ANKRD12: variants seen among roughly 807,000 people sequenced by gnomAD.
ANKRD12 encodes ankyrin repeat domain-containing protein 12.
In ANKRD12, 85 loss-of-function variants were observed where a neutral mutation model predicts 183.4. The observed-to-expected ratio is 0.46, with a 90% CI of 0.39 to 0.56. The LOEUF (loss-of-function observed/expected upper bound fraction) is 0.56. ANKRD12 is among the 20% of genes least tolerant of loss of function. The probability of loss-of-function intolerance (pLI) is 0.00; values close to 1 mark genes in which losing one functional copy is unlikely to be tolerated. For missense variants in ANKRD12, 2,405 were observed against 2,357.1 expected (o/e 1.02, Z -0.42); for synonymous variants, 914 against 800.2 (o/e 1.14, Z -2.40).
chr18:9,169,502 C>A (rs890898276), intron 1 of ANKRD12, among the ~76,000 whole-genome samples: 22 of 152,028 alleles, frequency 1.4e-4, no homozygotes, highest in Middle Eastern at 3.2e-3. Context: ...TTGTTGGTTT[C>A]AAGTCTGTTT....
rs4798791 is a variant in ANKRD12 at position 9,255,984 on chromosome 18, A to G, written c.2717A>G (p.Lys906Arg). The stretch of plus-strand genomic sequence containing the variant: ...GACGACAGAGAGAAAAGTAGAGAAA[A>G]GATGGATAGGAAACATGACAAAGAA... The part of the protein sequence containing the change: ...KTDDREKSRE[K>R]MDRKHDKEKP... Residue 906 changes from lysine to arginine, a missense_variant, in exon 9 of 13, where the codon AAG becomes AGG. This residue lies in a region of ANKRD12 where 1,983 missense variants were observed against 1,725.9 expected (regional missense o/e 1.15). Transcript: ENST00000262126. 961,222 of 1,564,776 alleles carry G rather than the reference A, an allele frequency of 0.61. 298,661 individuals carry two copies. Among genetic ancestry groups the G allele is most frequent in the South Asian group, 0.74 (60,851 of 81,724 alleles).
At chr18:9,221,755 T>C in intron 7 of ANKRD12, 97 bp from the exon 8 acceptor site, 2 of 1,241,202 alleles carry the variant, frequency 1.6e-6, no homozygotes, top group Non-Finnish European at 2.2e-6. Context: ...GTAAATGAGG[T>C]AACACTCAGA....
At chr18:9,183,525 C>T (rs2033844737) in intron 2 of ANKRD12, among the ~76,000 whole-genome samples, 1 of 152,080 alleles carries the variant, frequency 6.6e-6, no homozygotes. Flanking sequence ...ATTTTGGGCT[C>T]TTTATTGCTA....
Position 9,265,393 on chromosome 18 carries a change from C to T in ANKRD12, c.5763+1505C>T, listed in dbSNP as rs1419110747. On this transcript the variant is annotated intron_variant, in intron 10 of 12. Coordinates refer to ENST00000262126, the MANE Select transcript of ANKRD12 (RefSeq NM_015208.5). ...CACCCCCCCAGTAGGTGCAGACTGA[C>T]ACCTCACACGGCTGGGTACTCCTCT... 2.0e-5 allele frequency among the ~76,000 whole-genome samples: 3 copies of T among 152,174 alleles called. No homozygotes were observed. The East Asian group carries it at 5.8e-4, about 29-fold the overall frequency.
At chr18:9,204,359 T>C (rs2035360100) in intron 3 of ANKRD12, 117 bp from the exon 4 acceptor site, 2 of 730,060 alleles carry the variant, frequency 2.7e-6, no homozygotes, top group East Asian at 2.8e-5. Context: ...AAATAATCTT[T>C]TGGCAAAACA....
At chr18:9,156,811 A>G (rs1197110281) in intron 1 of ANKRD12, among the ~76,000 whole-genome samples, 1 of 152,228 alleles carries the variant, frequency 6.6e-6, no homozygotes, top group Non-Finnish European at 1.5e-5. Context: ...GCATTGAAAA[A>G]AAATTGTGAC....
chr18:9,197,728 CATT>C (rs1393830103), intron 3 of ANKRD12, among the ~76,000 whole-genome samples: 1 of 152,076 alleles, frequency 6.6e-6, no homozygotes, highest in Non-Finnish European at 1.5e-5. Context: ...GGAAATGTAT[CATT>C]ATAAAGATCT....
At chr18:9,159,661 G>C (rs984529098) in intron 1 of ANKRD12, among the ~76,000 whole-genome samples, 2 of 150,760 alleles carry the variant, frequency 1.3e-5, no homozygotes, top group African/African-American at 2.4e-5. Context: ...GGATGGTCTC[G>C]ATCTCCTGAC....
At position 9,255,939 on chromosome 18, in the gene ANKRD12, C is replaced by T. The variant is rs774462068; in HGVS notation, c.2672C>T (p.Thr891Ile). The T allele has an allele frequency of 1.9e-6, 3 of 1,581,466 alleles. No individual in the cohort carries two copies. In the East Asian group the frequency reaches 6.8e-5, roughly 36 times the overall value. ...CHKEGEKSKN[T>I]AAIKKTDDRE... ...AAAGAAGGTGAGAAGAGCAAAAATACTGCTGCTATTAAAAAAACTGACGAC... is the reference window on the plus strand; with the variant it reads ...AAAGAAGGTGAGAAGAGCAAAAATATTGCTGCTATTAAAAAAACTGACGAC... The change falls in exon 9 of 13, where the codon ACT (threonine) becomes ATT (isoleucine). Residue 891 changes from threonine (T) to isoleucine (I), a missense_variant. Physicochemically the swap from Thr to Ile is moderately conservative, Grantham distance 89 (BLOSUM62 -1). Coordinates refer to ENST00000262126, the MANE Select transcript of ANKRD12 (RefSeq NM_015208.5).
rs1399037205 is a variant in ANKRD12, at chr18:9,285,984, T to G, written c.*4858T>G. ...TAATAAACCTGTGAATCTGCAAGCC[T>G]ATTTTGTGGACATATTGTTTCATTT... On this transcript the variant is annotated 3_prime_UTR_variant, in exon 13 of 13. Transcript: ENST00000262126. 2 of 152,220 alleles carry G rather than the reference T, an allele frequency of 1.3e-5. No homozygotes were observed. Among genetic ancestry groups the G allele is most frequent in the African/African-American group, 4.8e-5 (2 of 41,470 alleles). The allele number at this position is 152,220 out of a possible 1,614,324, so 9.4% of individuals were successfully genotyped here.
In ANKRD12 at chr18:9,254,408, C is replaced by A; in HGVS notation, c.1141C>A (p.Leu381Ile). Residue 381 changes from leucine (L) to isoleucine (I), a missense_variant, in exon 9 of 13, where the codon CTT becomes ATT. Around this residue, in one of 7 missense-constraint regions of ANKRD12, gnomAD observed 1,983 missense variants for 1,725.9 expected, o/e 1.15. Transcript: ENST00000262126. The stretch of plus-strand genomic sequence containing the variant: ...TAAGATGATTGATGATAGGCATATT[C>A]TTAGGAAAGAACAACGAAAAGAAAA... Reference protein sequence around the residue: ...INKMIDDRHILRKEQRKENEP... With the variant: ...INKMIDDRHIIRKEQRKENEP... 6.3e-7 allele frequency: 1 copy of A among 1,592,928 alleles called. No homozygotes were observed. Among genetic ancestry groups the A allele is most frequent in the South Asian group, 1.2e-5 (1 of 85,624 alleles).
Position 9,284,050 on chromosome 18 carries a change from A to G in ANKRD12, c.*2924A>G, listed in dbSNP as rs928223525. 1.3e-5 allele frequency: 2 copies of G among 152,216 alleles called. No individual in the cohort carries two copies. The highest frequency in any genetic ancestry group is 2.9e-5 in the Non-Finnish European group (2 of 68,024). 9.4% of individuals were successfully genotyped at this position (152,216 alleles called of 1,614,324 possible). ...CATATAAAAGTTTTGTTTATACTAT[A>G]TTAAGTGTGCAATAGCATTATGTCT... On this transcript the variant is annotated 3_prime_UTR_variant, in exon 13 of 13. Transcript: ENST00000262126.
rs757765074 is a variant in ANKRD12, at chr18:9,263,861, A to G, written c.5736A>G (p.Lys1912=). ...LFRQQEVVRM[K]LRLQHSIERE... is the part of the protein sequence containing the mutation. Reference sequence around the variant, plus strand: ...GACAACAGGAAGTTGTAAGGATGAAACTACGTTTGCAACACAGTATTGAAA... The same window carrying G: ...GACAACAGGAAGTTGTAAGGATGAAGCTACGTTTGCAACACAGTATTGAAA... Residue 1912 remains lysine (K), a synonymous_variant, in exon 10 of 13, where the codon AAA becomes AAG. Transcript: ENST00000262126. 3.3e-6 allele frequency: 5 copies of G among 1,510,230 alleles called. No individual in the cohort carries two copies. Among genetic ancestry groups the G allele is most frequent in the Admixed American group, 3.5e-5 (2 of 57,394 alleles). 93.6% of individuals were successfully genotyped at this position (1,510,230 alleles called of 1,614,324 possible). A position where few individuals can be genotyped will look rare whatever the true frequency, so the allele number is the denominator to read the frequency against.
At chr18:9,191,513 G>C (rs921924148) in intron 2 of ANKRD12, among the ~76,000 whole-genome samples, 1 of 151,866 alleles carries the variant, frequency 6.6e-6, no homozygotes, top group Non-Finnish European at 1.5e-5. Context: ...GCACAGACCT[G>C]TATCTTATGT....
intron 2 of ANKRD12, among the ~76,000 whole-genome samples, chr18:9,190,421 G>T (rs11081466): frequency 0.79 from 119,691 of 152,208 alleles, 47,264 homozygotes; most frequent in Middle Eastern, 0.88. Flanking sequence ...GAAGATGCTA[G>T]AAACATTGTT....
At chr18:9,214,231 A>G (rs1421732652) in intron 6 of ANKRD12, among the ~76,000 whole-genome samples, 1 of 152,150 alleles carries the variant, frequency 6.6e-6, no homozygotes, top group Admixed American at 6.6e-5. Flanking sequence ...ACTTACTACC[A>G]TAAAATATAC....
Position 9,182,475 on chromosome 18 carries a change from T to C in ANKRD12, c.43T>C (p.Ser15Pro). The C allele has an allele frequency of 6.2e-7, 1 of 1,611,662 alleles. No individual in the cohort carries two copies. Among genetic ancestry groups the C allele is most frequent in the Non-Finnish European group, 8.5e-7 (1 of 1,178,750 alleles). Residue 15 changes from serine to proline, a missense_variant, in exon 2 of 13, where the codon TCT becomes CCT. Coordinates refer to ENST00000262126, the MANE Select transcript of ANKRD12 (RefSeq NM_015208.5). ...CACAAAACCAATTCAGAGTGAAAAT[T>C]CTGACAGTGACAGCAATATGGTAGA... ...GFTKPIQSENSDSDSNMVEKP... is the reference protein window; with the variant it reads ...GFTKPIQSENPDSDSNMVEKP...
chr18:9,143,799 C>A (rs116772255), intron 1 of ANKRD12, among the ~76,000 whole-genome samples: 1,574 of 151,966 alleles, frequency 0.01, 21 homozygotes, highest in African/African-American at 0.036. Context: ...TGACCAAACA[C>A]CACCACCACC....
intron 8 of ANKRD12, among the ~76,000 whole-genome samples, chr18:9,224,785 C>G (rs781659686): frequency 1.3e-5 from 2 of 152,056 alleles, no homozygotes; most frequent in Non-Finnish European, 2.9e-5. Flanking sequence ...TTAAATGCCC[C>G]CAAAATGGGC....
Sources: gnomAD v4.1 joint callset for allele counts (sites outside exome capture counted in the v4.1 genomes callset) on GRCh38, gnomAD v4.1.1 for gene constraint, gnomAD v4.1.1 regional missense constraint, MANE v1.5 for transcripts, NCBI Gene and HGNC (gene_info 2026-07-23, HGNC 2026-07-21) for gene names.